PXDNL: variants seen among roughly 807,000 people sequenced by gnomAD.
PXDNL encodes probable oxidoreductase PXDNL.
In PXDNL, 145 loss-of-function variants were observed where a neutral mutation model predicts 150.8. The ratio of observed to expected loss-of-function variants is 0.96; its 90% CI spans 0.84 to 1.10. The LOEUF (loss-of-function observed/expected upper bound fraction) is 1.10, where lower values mean the gene tolerates loss of function less well. PXDNL is among the 50% of genes least tolerant of loss of function. The pLI, the probability that PXDNL is intolerant of heterozygous loss-of-function variation, is 0.00. For missense variants in PXDNL, 2,087 were observed against 1,873.9 expected, an observed-to-expected ratio of 1.11 and a Z score of -2.10; for synonymous variants, 757 against 725.7, an observed-to-expected ratio of 1.04 and a Z score of -0.69.
chr8:51,596,814 C>T (rs574805377), intron 2 of PXDNL, among the ~76,000 whole-genome samples: 29 of 152,168 alleles, frequency 1.9e-4, no homozygotes, highest in East Asian at 7.7e-4. Context: ...AGACCTTTAT[C>T]GGATGCACAG....
At chr8:51,600,894 T>C (rs1446339520) in intron 2 of PXDNL, among the ~76,000 whole-genome samples, 2 of 141,942 alleles carry the variant, frequency 1.4e-5, no homozygotes, top group African/African-American at 2.6e-5. Context: ...ATATAAATTA[T>C]ATAGTTTAGA....
intron 2 of PXDNL, among the ~76,000 whole-genome samples, chr8:51,630,037 A>G (rs930037424): frequency 3.3e-5 from 5 of 152,238 alleles, no homozygotes; most frequent in Non-Finnish European, 7.3e-5. Context: ...ACTTCAAACT[A>G]TAATACAAGG....
At chr8:51,493,423 G>T (rs1384847971) in intron 5 of PXDNL, among the ~76,000 whole-genome samples, 1 of 152,200 alleles carries the variant, frequency 6.6e-6, no homozygotes, top group Non-Finnish European at 1.5e-5. Context: ...ACGGAACAAA[G>T]CTGGAAGGAG....
chr8:51,718,329 C>G (rs1169391312), intron 1 of PXDNL, among the ~76,000 whole-genome samples: 5 of 152,090 alleles, frequency 3.3e-5, no homozygotes, highest in Admixed American at 2.0e-4. Flanking sequence ...CTGGACCCAG[C>G]AGGGAAGCTC....
Position 51,447,079 on chromosome 8 carries a change from C to G in PXDNL, c.1450G>C (p.Gly484Arg). 6.2e-7 allele frequency: 1 copy of G among 1,613,976 alleles called. No individual in the cohort carries two copies. Among genetic ancestry groups the G allele is most frequent in the Non-Finnish European group, 8.5e-7 (1 of 1,179,884 alleles). ...CTGACTGCTTGACATTCATATTGGC[C>G]TTGATCGTGCTGTGCTGCACGGTCA... is the stretch of plus-strand genomic sequence containing the variant. ...RIDRAAQHDQ[G>R]QYECQAVSSL... Residue 484 changes from glycine to arginine, a missense_variant, in exon 12 of 23, where the codon GGC becomes CGC. Gly to Arg is a moderately radical substitution (Grantham distance 125). Coordinates refer to ENST00000356297, the MANE Select transcript of PXDNL (RefSeq NM_144651.5).
At chr8:51,378,730 G>C (rs1443031334) in intron 17 of PXDNL, among the ~76,000 whole-genome samples, 1 of 149,196 alleles carries the variant, frequency 6.7e-6, no homozygotes, top group Non-Finnish European at 1.5e-5. Flanking sequence ...GGACAGGACG[G>C]GAGGAACGAA....
At chr8:51,402,720 A>G (rs999388866) in intron 17 of PXDNL, among the ~76,000 whole-genome samples, 11 of 152,192 alleles carry the variant, frequency 7.2e-5, no homozygotes, top group African/African-American at 2.7e-4. Flanking sequence ...CATTCAGTGA[A>G]TAACTGATCT....
Position 51,809,389 on chromosome 8 carries a change from A to G in PXDNL, c.-45T>C, listed in dbSNP as rs779104901. The G allele has an allele frequency of 1.7e-3, 2,442 of 1,478,594 alleles. 19 individuals carry two copies. Among genetic ancestry groups the G allele is most frequent in the Non-Finnish European group, 1.0e-3 (1,168 of 1,113,144 alleles). The allele number at this position is 1,478,594 out of a possible 1,614,324, so 91.6% of individuals were successfully genotyped here. ...CACGCGAAGAAGCAGCCGGAGGGAG[A>G]GCAGCAGCTGCAGCTGCAGCAGCAA... On this transcript the variant is annotated 5_prime_UTR_variant, in exon 1 of 23. Transcript: ENST00000356297.
At chr8:51,543,727 A>G (rs955245572) in intron 4 of PXDNL, among the ~76,000 whole-genome samples, 5 of 151,438 alleles carry the variant, frequency 3.3e-5, no homozygotes, top group African/African-American at 9.7e-5. Flanking sequence ...AAAAAAAAAA[A>G]AAAAGAAAGA....
At chr8:51,636,687 C>G (rs780904229) in intron 2 of PXDNL, among the ~76,000 whole-genome samples, 2 of 151,930 alleles carry the variant, frequency 1.3e-5, no homozygotes, top group Admixed American at 6.6e-5. Context: ...TAAGGAAGAC[C>G]TAAATAAATG....
chr8:51,644,786 C>A (rs1167638568), intron 2 of PXDNL, among the ~76,000 whole-genome samples: 2 of 151,782 alleles, frequency 1.3e-5, no homozygotes, highest in Non-Finnish European at 2.9e-5. Context: ...AAATAAAAGC[C>A]TATAGTAGCA....
chr8:51,375,129 A>T (rs1039744786), intron 17 of PXDNL, among the ~76,000 whole-genome samples: 3 of 152,254 alleles, frequency 2.0e-5, no homozygotes, highest in African/African-American at 7.2e-5. Flanking sequence ...GCATTGAGAA[A>T]TGTCCACATC....
rs1809695004 is a variant in PXDNL, at chr8:51,447,150, G to A, written c.1379C>T (p.Pro460Leu). 15 of 1,613,620 alleles carry A rather than the reference G, an allele frequency of 9.3e-6. No individual in the cohort carries two copies. In the East Asian group the frequency reaches 3.3e-4, roughly 36 times the overall value. ...GAGAACTGTATGCTGGCCTTCCACAGGGAGCTGCCCTCCTGCAAAAAGAGG... is the reference window on the plus strand; with the variant it reads ...GAGAACTGTATGCTGGCCTTCCACAAGGAGCTGCCCTCCTGCAAAAAGAGG... ...IVWTKTGGQL[P>L]VEGQHTVLSS... is the part of the protein sequence containing the mutation. Residue 460 changes from proline (P) to leucine (L), a missense_variant, in exon 12 of 23, where the codon CCT (proline) becomes CTT (leucine). Transcript: ENST00000356297.
In PXDNL at chr8:51,319,967, G is replaced by T; in HGVS notation, c.4316C>A (p.Pro1439His). Residue 1439 changes from proline to histidine, a missense_variant, in exon 23 of 23, where the codon CCT becomes CAT. Transcript: ENST00000356297. The part of the protein sequence containing the change: ...EICPPAPCPS[P>H]ELVKGTCCPV... The stretch of plus-strand genomic sequence containing the variant: ...ACAGCAGGTTCCTTTCACCAATTCA[G>T]GACTGGGACAGGGAGCCGGGGGACA... The T allele has an allele frequency of 6.3e-7, 1 of 1,578,432 alleles. No individual in the cohort carries two copies.
intron 2 of PXDNL, among the ~76,000 whole-genome samples, chr8:51,618,122 C>A (rs1032675122): frequency 6.6e-6 from 1 of 152,230 alleles, no homozygotes; most frequent in African/African-American, 2.4e-5. Flanking sequence ...CGCTACCTCG[C>A]CACACAAGCT....
At chr8:51,625,953 G>A (rs564737839) in intron 2 of PXDNL, among the ~76,000 whole-genome samples, 89 of 152,232 alleles carry the variant, frequency 5.8e-4, no homozygotes, top group African/African-American at 2.1e-3. Flanking sequence ...TCAAAATAAT[G>A]AGCAAATTAG....
At chr8:51,510,786 A>G (rs983787122) in intron 4 of PXDNL, among the ~76,000 whole-genome samples, 1 of 152,200 alleles carries the variant, frequency 6.6e-6, no homozygotes, top group Non-Finnish European at 1.5e-5. Flanking sequence ...ATCTGAGGTC[A>G]GGAGTTTGTG....
chr8:51,601,058 T>C (rs1813710957), intron 2 of PXDNL, among the ~76,000 whole-genome samples: 1 of 148,426 alleles, frequency 6.7e-6, no homozygotes. Context: ...ATATATTATA[T>C]CTTATATCAA....
intron 19 of PXDNL, 112 bp downstream of exon 19, chr8:51,371,761 G>A: frequency 2.0e-6 from 2 of 991,804 alleles, no homozygotes; most frequent in Admixed American, 2.1e-5. Flanking sequence ...GTTCTGTGTT[G>A]TTGGCTTTTT....
Sources: gnomAD v4.1 joint callset for allele counts (sites outside exome capture counted in the v4.1 genomes callset) on GRCh38, gnomAD v4.1.1 for gene constraint, MANE v1.5 for transcripts, NCBI Gene and HGNC (gene_info 2026-07-23, HGNC 2026-07-21) for gene names.